Variants in DMD observed in about 807,000 individuals in gnomAD.
DMD encodes the protein mutant dystrophin.
Under a neutral mutation model 330.1 loss-of-function variants are expected in DMD, and 63 were observed. The ratio of observed to expected loss-of-function variants is 0.19; its 90% CI spans 0.16 to 0.24. The LOEUF is 0.24. DMD is among the 10% of genes least tolerant of loss of function. The pLI is 1.00. For missense variants in DMD, 3,344 were observed against 2,684.1 expected (o/e 1.25, Z -5.43); for synonymous variants, 1,223 against 959.8 (o/e 1.27, Z -5.07).
intron 21 of DMD, among the ~76,000 whole-genome samples, chrX:32,478,331 C>A (rs1007399254): frequency 2.7e-5 from 3 of 111,789 alleles, no homozygotes; most frequent in Non-Finnish European, 5.7e-5. Context: ...TCAACTTGAG[C>A]CTTTAATTCC....
At chrX:32,785,642 C>A (rs961218633) in intron 7 of DMD, among the ~76,000 whole-genome samples, 1 of 111,694 alleles carries the variant, frequency 9.0e-6, no homozygotes, top group African/African-American at 3.2e-5. Flanking sequence ...CTAGCTTTAG[C>A]AGTTTTACTT....
At chrX:31,646,327 CTA>C (rs1419849909) in intron 54 of DMD, among the ~76,000 whole-genome samples, 3 of 110,158 alleles carry the variant, frequency 2.7e-5, no homozygotes, top group East Asian at 2.8e-4. Flanking sequence ...GCTAAAAACT[CTA>C]TGTTATCTCC....
intron 52 of DMD, among the ~76,000 whole-genome samples, chrX:31,728,189 A>ATTT (rs374619865): frequency 9.1e-6 from 1 of 109,481 alleles, no homozygotes; most frequent in Admixed American, 9.7e-5. Flanking sequence ...CGCCCGGCTA[A>ATTT]TTTTTTTTTG....
chrX:31,965,214 C>T (rs780851376), intron 45 of DMD, among the ~76,000 whole-genome samples: 1 of 111,473 alleles, frequency 9.0e-6, no homozygotes, highest in Admixed American at 9.6e-5. Flanking sequence ...AGTGACTGCA[C>T]ATTAAAATGA....
chrX:31,363,714 T>A (rs1478015301), intron 60 of DMD, among the ~76,000 whole-genome samples: 2 of 112,073 alleles, frequency 1.8e-5, no homozygotes, highest in Non-Finnish European at 3.8e-5. Flanking sequence ...TTTCTCAACT[T>A]CAGCATTATT....
intron 7 of DMD, among the ~76,000 whole-genome samples, chrX:32,730,473 GAGTACTTCAAC>G (rs1390135085): frequency 8.9e-6 from 1 of 112,389 alleles, no homozygotes; most frequent in Non-Finnish European, 1.9e-5. Flanking sequence ...TTATGAAAAA[GAGTACTTCAAC>G]AGGAAGTAGA....
chrX:31,295,739 T>C (rs1447215173), intron 62 of DMD, among the ~76,000 whole-genome samples: 3 of 112,242 alleles, frequency 2.7e-5, no homozygotes, highest in Non-Finnish European at 5.6e-5. Flanking sequence ...GTATTGGTGA[T>C]ATATGGAATT....
At position 32,646,523 on chromosome X, in the gene DMD, A is replaced by C. The variant is rs774493525; in HGVS notation, c.961-1371T>G. On this transcript the variant is annotated intron_variant, in intron 9 of 78. Coordinates refer to ENST00000357033, the MANE Select transcript of DMD (RefSeq NM_004006.3). ...ACAAACAGGGTTTTGTAAAGGAATC[A>C]AAAAGCAGTGTAGAACAACAGAAGC... Among the ~76,000 whole-genome samples the C allele has an allele frequency of 4.5e-5, 5 of 111,436 alleles. No individual in the cohort carries two copies. In the South Asian group the frequency reaches 1.9e-3, roughly 43 times the overall value.
At position 32,280,055 on chromosome X, in the gene DMD, T is replaced by A. The variant is rs903100332; in HGVS notation, c.6290+7474A>T. The stretch of plus-strand genomic sequence containing the variant: ...ATATATACCCCACATATATACACTA[T>A]GTATGTGTGTATATACATAGTAAAT... On this transcript the variant is annotated intron_variant, in intron 43 of 78. Coordinates refer to ENST00000357033, the MANE Select transcript of DMD (RefSeq NM_004006.3). Among the ~76,000 whole-genome samples the A allele has an allele frequency of 1.8e-4, 12 of 67,227 alleles. 1 individual carries two copies. Among genetic ancestry groups the A allele is most frequent in the African/African-American group, 6.3e-4 (12 of 19,171 alleles). 58.4% of individuals were successfully genotyped at this position (67,227 alleles called of 115,157 possible). A position where few individuals can be genotyped will look rare whatever the true frequency, so the allele number is the denominator to read the frequency against.
At chrX:33,008,908 T>A (rs868036196) in intron 2 of DMD, among the ~76,000 whole-genome samples, 1 of 78,644 alleles carries the variant, frequency 1.3e-5, no homozygotes, top group Non-Finnish European at 2.6e-5. Flanking sequence ...ATACACATAC[T>A]CATATATGTA....
At chrX:31,584,873 T>C (rs2076513848) in intron 55 of DMD, among the ~76,000 whole-genome samples, 1 of 111,303 alleles carries the variant, frequency 9.0e-6, no homozygotes, top group Non-Finnish European at 1.9e-5. Flanking sequence ...GAGGAGATTC[T>C]TGACAGAACA....
chrX:32,286,351 G>A (rs1331299982), intron 43 of DMD, among the ~76,000 whole-genome samples: 1 of 111,575 alleles, frequency 9.0e-6, no homozygotes, highest in Non-Finnish European at 1.9e-5. Flanking sequence ...CAGATGTTAG[G>A]AGCGACTAAT....
At chrX:32,687,193 A>G (rs776346318) in intron 9 of DMD, among the ~76,000 whole-genome samples, 1 of 112,223 alleles carries the variant, frequency 8.9e-6, no homozygotes, top group African/African-American at 3.2e-5. Flanking sequence ...AGATCTGTAC[A>G]AGCTTACCTA....
intron 50 of DMD, among the ~76,000 whole-genome samples, chrX:31,809,924 G>A (rs1381739669): frequency 1.8e-5 from 2 of 111,261 alleles, no homozygotes; most frequent in South Asian, 3.8e-4. Context: ...TTAAACTCAG[G>A]AGATGTGGGG....
intron 55 of DMD, among the ~76,000 whole-genome samples, chrX:31,559,828 G>C (rs962039278): frequency 5.5e-4 from 61 of 110,054 alleles, no homozygotes; most frequent in African/African-American, 1.9e-3. Flanking sequence ...TCTTGGCTCT[G>C]GTTCCACTGT....
chrX:32,867,783 A>T (rs1232309442), intron 2 of DMD, among the ~76,000 whole-genome samples: 2 of 112,151 alleles, frequency 1.8e-5, no homozygotes, highest in Non-Finnish European at 3.8e-5. Context: ...ATTGGTGCTC[A>T]CTCACCTGGC....
intron 61 of DMD, 111 bp downstream of exon 61, chrX:31,348,445 T>A: frequency 2.8e-6 from 2 of 709,078 alleles, no homozygotes; most frequent in Middle Eastern, 6.1e-4. Flanking sequence ...TTCTACTGCA[T>A]CTGATAAAAG....
At chrX:31,355,860 G>GA (rs201519954) in intron 60 of DMD, among the ~76,000 whole-genome samples, 18 of 86,115 alleles carry the variant, frequency 2.1e-4, no homozygotes, top group South Asian at 6.1e-4. Flanking sequence ...AGTTGTAACT[G>GA]AAAAAATAAT....
At chrX:33,167,965 A>C (rs746645280) in intron 1 of DMD, among the ~76,000 whole-genome samples, 1 of 111,422 alleles carries the variant, frequency 9.0e-6, no homozygotes, top group Admixed American at 9.6e-5. Flanking sequence ...TCTGGCACAC[A>C]GTAAGCACCA....
Sources: gnomAD v4.1 joint callset for allele counts (sites outside exome capture counted in the v4.1 genomes callset) on GRCh38, gnomAD v4.1.1 for gene constraint, MANE v1.5 for transcripts, NCBI Gene and HGNC (gene_info 2026-07-23, HGNC 2026-07-21) for gene names.